CAMK1D: variants seen among roughly 807,000 people sequenced by gnomAD.
CAMK1D encodes calcium/calmodulin dependent protein kinase ID, also known as calcium/calmodulin-dependent protein kinase type 1D.
A neutral mutation model predicts 47.7 loss-of-function variants in CAMK1D; 9 were observed. The ratio of observed to expected loss-of-function variants is 0.19; its 90% confidence interval spans 0.11 to 0.33. CAMK1D has a LOEUF of 0.33. Among genes scored for constraint, CAMK1D ranks in the 10% least tolerant of loss-of-function variants. The pLI is 1.00. For synonymous variants in CAMK1D, 184 were observed against 184.9 expected (o/e 0.99, Z 0.04); for missense variants, 291 against 488.7 (o/e 0.60, Z 3.81).
At chr10:12,586,206 A>C (rs1837812554) in intron 2 of CAMK1D, among the ~76,000 whole-genome samples, 1 of 152,184 alleles carries the variant, frequency 6.6e-6, no homozygotes, top group Admixed American at 6.5e-5. Flanking sequence ...ATATTTAAAA[A>C]ATTGTTTCTA....
intron 1 of CAMK1D, among the ~76,000 whole-genome samples, chr10:12,455,702 A>G (rs901075898): frequency 2.7e-4 from 41 of 152,358 alleles, no homozygotes; most frequent in Admixed American, 2.4e-3. Context: ...TGAAGCAAAC[A>G]GCTGAAAACA....
chr10:12,643,575 T>C (rs951164499), intron 2 of CAMK1D, among the ~76,000 whole-genome samples: 1 of 152,150 alleles, frequency 6.6e-6, no homozygotes, highest in Non-Finnish European at 1.5e-5. Context: ...CTAGGTTGTG[T>C]GCTCCTGATG....
chr10:12,579,567 G>A (rs1837599951), intron 2 of CAMK1D, among the ~76,000 whole-genome samples: 2 of 152,126 alleles, frequency 1.3e-5, no homozygotes, highest in East Asian at 3.9e-4. Context: ...TTCATGATGT[G>A]TCTGTCTCTT....
chr10:12,419,314 C>G (rs1246652380), intron 1 of CAMK1D, among the ~76,000 whole-genome samples: 1 of 152,040 alleles, frequency 6.6e-6, no homozygotes, highest in Non-Finnish European at 1.5e-5. Flanking sequence ...GGTTGGGAGC[C>G]TGGGGCCACG....
intron 1 of CAMK1D, among the ~76,000 whole-genome samples, chr10:12,496,397 G>C (rs1834540586): frequency 6.6e-6 from 1 of 152,162 alleles, no homozygotes; most frequent in South Asian, 2.1e-4. Context: ...GGCTGTTTCT[G>C]TCTTGTTGCT....
chr10:12,543,097 G>A (rs1416977837), intron 1 of CAMK1D, among the ~76,000 whole-genome samples: 1 of 152,074 alleles, frequency 6.6e-6, no homozygotes, highest in Non-Finnish European at 1.5e-5. Flanking sequence ...ACCCAGGCTG[G>A]AGTGCAGTGG....
intron 10 of CAMK1D, among the ~76,000 whole-genome samples, chr10:12,827,676 C>T (rs1833306824): frequency 6.9e-6 from 1 of 145,110 alleles, no homozygotes; most frequent in Non-Finnish European, 1.5e-5. Context: ...CTTCTCCCCT[C>T]TCCTTTCTCC....
At chr10:12,757,041 T>G (rs1024413729) in intron 3 of CAMK1D, among the ~76,000 whole-genome samples, 3 of 152,364 alleles carry the variant, frequency 2.0e-5, no homozygotes, top group Middle Eastern at 3.4e-3. Context: ...TTCTGTCTTC[T>G]GCTTCCTTAA....
At chr10:12,747,005 G>GTT (rs373542268) in intron 3 of CAMK1D, among the ~76,000 whole-genome samples, 1 of 148,956 alleles carries the variant, frequency 6.7e-6, no homozygotes, top group African/African-American at 2.5e-5. Flanking sequence ...AGAAAGAGTT[G>GTT]TTTTTTTTTT....
rs182957355 is a variant in CAMK1D at position 12,769,109 on chromosome 10, G to A, written c.439-564G>A. On this transcript the variant is annotated intron_variant, in intron 4 of 10. Transcript: ENST00000619168. ...AAGGGTACATGGCTGGAAGTGCTGC[G>A]TCTTCCAATTCCAGATTCATTTATT... 4.9e-4 allele frequency among the ~76,000 whole-genome samples: 74 copies of A among 152,292 alleles called. No homozygotes were observed. The East Asian group carries it at 0.013, about 26-fold the overall frequency.
At chr10:12,603,240 G>A (rs1231218881) in intron 2 of CAMK1D, among the ~76,000 whole-genome samples, 1 of 152,012 alleles carries the variant, frequency 6.6e-6, no homozygotes, top group Non-Finnish European at 1.5e-5. Context: ...ATTTCCTACA[G>A]TGACCTCAAG....
At chr10:12,365,897 T>C (rs1837819180) in intron 1 of CAMK1D, among the ~76,000 whole-genome samples, 1 of 151,942 alleles carries the variant, frequency 6.6e-6, no homozygotes, top group African/African-American at 2.4e-5. Flanking sequence ...TACTAAAAAA[T>C]ACAAAAAAAT....
At chr10:12,717,901 A>C (rs1404959866) in intron 3 of CAMK1D, among the ~76,000 whole-genome samples, 1 of 151,756 alleles carries the variant, frequency 6.6e-6, no homozygotes, top group African/African-American at 2.4e-5. Context: ...CAAAAAAAAA[A>C]AAAAAAGAAA....
At chr10:12,814,393 C>G in intron 7 of CAMK1D, 86 bp downstream of exon 7, 1 of 806,574 alleles carries the variant, frequency 1.2e-6, no homozygotes, top group East Asian at 2.5e-5. Context: ...CCAGGGGACC[C>G]TGGGGGGCTC....
chr10:12,608,866 T>C (rs138467199), intron 2 of CAMK1D, among the ~76,000 whole-genome samples: 1 of 152,378 alleles, frequency 6.6e-6, no homozygotes, highest in Non-Finnish European at 1.5e-5. Flanking sequence ...GTGGGCAAGT[T>C]ATTTCAGCCC....
At chr10:12,394,068 T>A (rs954242770) in intron 1 of CAMK1D, among the ~76,000 whole-genome samples, 1 of 152,274 alleles carries the variant, frequency 6.6e-6, no homozygotes, top group African/African-American at 2.4e-5. Context: ...TTTGGCCGAC[T>A]GGCCATCCTT....
rs1222261436 is a variant in CAMK1D, at chr10:12,534,188, G to GTCTA, written c.93-19025_93-19022dup. On this transcript the variant is annotated intron_variant, in intron 1 of 10. Coordinates refer to ENST00000619168, the MANE Select transcript of CAMK1D (RefSeq NM_153498.4). ...TATCTGTCTATCTATCTATCTATCT[G>GTCTA]TCTATCTATCTATCTGTCTATCAGT... Among the ~76,000 whole-genome samples the GTCTA allele has an allele frequency of 1.6e-3, 242 of 151,616 alleles. 2 individuals carry two copies. Among genetic ancestry groups the GTCTA allele is most frequent in the East Asian group, 5.8e-4 (3 of 5,156 alleles).
chr10:12,670,842 C>T (rs2132567730), intron 3 of CAMK1D, among the ~76,000 whole-genome samples: 1 of 152,304 alleles, frequency 6.6e-6, no homozygotes, highest in South Asian at 2.1e-4. Flanking sequence ...AGCCACCGTG[C>T]CCAGCCCGAA....
chr10:12,393,438 A>G (rs1466352251), intron 1 of CAMK1D, among the ~76,000 whole-genome samples: 2 of 152,160 alleles, frequency 1.3e-5, no homozygotes, highest in Admixed American at 1.3e-4. Flanking sequence ...AGGAACTCAT[A>G]GTGTTATGGG....
Sources: gnomAD v4.1 joint callset for allele counts (sites outside exome capture counted in the v4.1 genomes callset) on GRCh38, gnomAD v4.1.1 for gene constraint, MANE v1.5 for transcripts, NCBI Gene and HGNC (gene_info 2026-07-23, HGNC 2026-07-21) for gene names.